Variants in POLR3B observed in about 807,000 individuals in gnomAD.
POLR3B encodes RNA polymerase III subunit B.
A neutral mutation model predicts 147.4 loss-of-function variants in POLR3B; 96 were observed. The ratio of observed to expected loss-of-function variants is 0.65; its 90% CI spans 0.55 to 0.77. The LOEUF is 0.77. Among genes scored for constraint, POLR3B ranks in the 30% least tolerant of loss-of-function variants. The probability of loss-of-function intolerance (pLI) is 0.00; values close to 1 mark genes in which losing one functional copy is unlikely to be tolerated. For missense variants in POLR3B, 1,036 were observed against 1,413.5 expected (o/e 0.73, Z 4.28); for synonymous variants, 461 against 485.9 (o/e 0.95, Z 0.67).
chr12:106,497,452 T>C (rs983503906), intron 25 of POLR3B, among the ~76,000 whole-genome samples: 5 of 152,102 alleles, frequency 3.3e-5, no homozygotes, highest in African/African-American at 1.2e-4. Context: ...GGCAATATAG[T>C]GAGACCTCGT....
At chr12:106,413,080 G>T (rs2037250647) in intron 12 of POLR3B, among the ~76,000 whole-genome samples, 1 of 151,950 alleles carries the variant, frequency 6.6e-6, no homozygotes, top group Admixed American at 6.6e-5. Context: ...CATTCTATAG[G>T]TTGTTTTTTC....
At chr12:106,433,400 G>A (rs1276594522) in intron 15 of POLR3B, among the ~76,000 whole-genome samples, 3 of 152,182 alleles carry the variant, frequency 2.0e-5, no homozygotes, top group Non-Finnish European at 4.4e-5. Flanking sequence ...AACCTTTACT[G>A]CCAGCCTGTG....
chr12:106,454,438 C>A, intron 19 of POLR3B, 64 bp from the exon 20 acceptor site: 1 of 816,674 alleles, frequency 1.2e-6, no homozygotes, highest in South Asian at 1.4e-5. Context: ...TCTCTATATT[C>A]ATTACTACCT....
At chr12:106,441,148 A>G (rs2037646533) in intron 18 of POLR3B, among the ~76,000 whole-genome samples, 1 of 152,164 alleles carries the variant, frequency 6.6e-6, no homozygotes, top group Admixed American at 6.5e-5. Context: ...TGTGTATAAA[A>G]CAGTGATAAC....
At chr12:106,421,782 C>A (rs1490358413) in intron 12 of POLR3B, among the ~76,000 whole-genome samples, 1 of 152,088 alleles carries the variant, frequency 6.6e-6, no homozygotes. Flanking sequence ...TCACTGCAAC[C>A]TCCACTTCCT....
At chr12:106,387,035 A>G (rs779254159) in intron 9 of POLR3B, among the ~76,000 whole-genome samples, 11 of 152,226 alleles carry the variant, frequency 7.2e-5, no homozygotes, top group Non-Finnish European at 1.5e-4. Flanking sequence ...TAAATTAACA[A>G]TATGCATATT....
At chr12:106,442,029 A>G (rs969615949) in intron 18 of POLR3B, among the ~76,000 whole-genome samples, 2 of 151,386 alleles carry the variant, frequency 1.3e-5, no homozygotes, top group Non-Finnish European at 2.9e-5. Context: ...GCAGTGAGCC[A>G]AGATCGCACC....
intron 10 of POLR3B, among the ~76,000 whole-genome samples, chr12:106,394,531 A>T (rs1166533830): frequency 1.2e-4 from 19 of 152,220 alleles, no homozygotes; most frequent in Admixed American, 1.2e-3. Flanking sequence ...GTAGTGCCCT[A>T]CAAGTTTACC....
chr12:106,433,978 T>C lies in POLR3B; in HGVS notation c.1781+106T>C, dbSNP rs2037543529. 3 of 902,962 alleles carry C rather than the reference T, an allele frequency of 3.3e-6. No individual in the cohort carries two copies. The Admixed American group carries it at 6.8e-5, about 21-fold the overall frequency. The allele number at this position is 902,962 out of a possible 1,614,324, so 55.9% of individuals were successfully genotyped here. On this transcript the variant is annotated intron_variant, in intron 16 of 27. Transcript: ENST00000228347. ...TTGAAACTGTTTTAACCTCTTTCAT[T>C]GTGAAGATAAATTTAATTCCGTGAG...
chr12:106,484,258 C>T (rs987612444), intron 23 of POLR3B, among the ~76,000 whole-genome samples: 12 of 152,100 alleles, frequency 7.9e-5, no homozygotes, highest in African/African-American at 1.9e-4. Flanking sequence ...ATCCGGTAAA[C>T]GATGGCACCA....
At position 106,405,539 on chromosome 12, in the gene POLR3B, TACACACACAC is replaced by T. The variant is rs71072675; in HGVS notation, c.847-286_847-277del. On this transcript the variant is annotated intron_variant, in intron 10 of 27. Coordinates refer to ENST00000228347, the MANE Select transcript of POLR3B (RefSeq NM_018082.6). The stretch of plus-strand genomic sequence containing the variant: ...GAAGGACTGATGGCTGCTATATGTC[TACACACACAC>T]ACACACACACACACACACACACACA... Among the ~76,000 whole-genome samples, 81 of 142,700 alleles carry T rather than the reference TACACACACAC, an allele frequency of 5.7e-4. 1 individual carries two copies. Among genetic ancestry groups the T allele is most frequent in the South Asian group, 4.0e-3 (17 of 4,238 alleles). 93.6% of individuals were successfully genotyped at this position (142,700 alleles called of 152,430 possible).
chr12:106,468,987 G>A (rs1452198341), intron 23 of POLR3B, among the ~76,000 whole-genome samples: 1 of 152,130 alleles, frequency 6.6e-6, no homozygotes, highest in Non-Finnish European at 1.5e-5. Context: ...TTCAAGTCCT[G>A]GATATCCTTG....
chr12:106,444,664 CT>C, intron 19 of POLR3B, 74 bp downstream of exon 19: 1 of 1,480,750 alleles, frequency 6.8e-7, no homozygotes, highest in Admixed American at 1.7e-5. Context: ...ATCTTTATTC[CT>C]GCTTCACCAG....
At position 106,437,227 on chromosome 12, in the gene POLR3B, C is replaced by T. The variant is rs181717025; in HGVS notation, c.1856+96C>T. The T allele has an allele frequency of 3.1e-5, 28 of 909,300 alleles. No individual in the cohort carries two copies. The African/African-American group carries it at 4.3e-4, about 14-fold the overall frequency. 56.3% of individuals were successfully genotyped at this position (909,300 alleles called of 1,614,324 possible). Reference sequence around the variant, plus strand: ...TCATTTTAGTGTTTTAATTTCTTTCCACCAAATTACCAGCCTGTTAAAAAC... The same window carrying T: ...TCATTTTAGTGTTTTAATTTCTTTCTACCAAATTACCAGCCTGTTAAAAAC... On this transcript the variant is annotated intron_variant, in intron 17 of 27. Coordinates refer to ENST00000228347, the MANE Select transcript of POLR3B (RefSeq NM_018082.6).
chr12:106,509,652 C>T lies in POLR3B; in HGVS notation c.*103C>T, dbSNP rs545951495. On this transcript the variant is annotated 3_prime_UTR_variant, in exon 28 of 28. Transcript: ENST00000228347. ...TCTCCTCCTGTGAAGAATTCCCTTG[C>T]GTATTCTCTCTCTAAAACAACCAAA... 94 of 1,059,942 alleles carry T rather than the reference C, an allele frequency of 8.9e-5. No individual in the cohort carries two copies. The South Asian group carries it at 1.1e-3, about 12-fold the overall frequency. 65.7% of individuals were successfully genotyped at this position (1,059,942 alleles called of 1,614,324 possible).
At chr12:106,375,351 T>A (rs765946390) in intron 6 of POLR3B, among the ~76,000 whole-genome samples, 40 of 152,206 alleles carry the variant, frequency 2.6e-4, no homozygotes, top group Non-Finnish European at 5.0e-4. Context: ...ACCGTGAGGA[T>A]TTATGGCTTT....
chr12:106,415,244 A>G (rs1335497209), intron 12 of POLR3B, among the ~76,000 whole-genome samples: 1 of 152,202 alleles, frequency 6.6e-6, no homozygotes, highest in Non-Finnish European at 1.5e-5. Flanking sequence ...TCACTCTTGT[A>G]CTTAGGCTAT....
intron 22 of POLR3B, among the ~76,000 whole-genome samples, chr12:106,461,250 C>A (rs2037930234): frequency 6.6e-6 from 1 of 152,042 alleles, no homozygotes; most frequent in South Asian, 2.1e-4. Context: ...CACACCACCA[C>A]ACTCAGCTAA....
At chr12:106,420,573 T>G (rs143129190) in intron 12 of POLR3B, among the ~76,000 whole-genome samples, 145 of 152,330 alleles carry the variant, frequency 9.5e-4, no homozygotes, top group African/African-American at 3.4e-3. Context: ...AAAAAGTTTT[T>G]AAATGTTTTG....
Sources: gnomAD v4.1 joint callset for allele counts (sites outside exome capture counted in the v4.1 genomes callset) on GRCh38, gnomAD v4.1.1 for gene constraint, MANE v1.5 for transcripts, NCBI Gene and HGNC (gene_info 2026-07-23, HGNC 2026-07-21) for gene names.